ADGRG1: variants seen among roughly 807,000 people sequenced by gnomAD.
The protein encoded by ADGRG1 is 7-transmembrane protein with no EGF-like N-terminal domains-1.
Under a neutral mutation model 73.5 loss-of-function variants are expected in ADGRG1, and 53 were observed. That is an observed-to-expected ratio of 0.72 (90% CI 0.58 to 0.91). The LOEUF (loss-of-function observed/expected upper bound fraction) is 0.91, where lower values mean the gene tolerates loss of function less well. Among genes scored for constraint, ADGRG1 ranks in the 40% least tolerant of loss-of-function variants. The probability of loss-of-function intolerance (pLI) is 0.00; values close to 1 mark genes in which losing one functional copy is unlikely to be tolerated. For synonymous variants in ADGRG1, 394 were observed against 374.4 expected (o/e 1.05, Z -0.60); for missense variants, 795 against 871.8 (o/e 0.91, Z 1.11).
At chr16:57,629,944 G>A (rs2037283801) in intron 1 of ADGRG1, 2 of 958,500 alleles carry the variant, frequency 2.1e-6, no homozygotes, top group South Asian at 4.8e-5. Context: ...GAGGGGATGG[G>A]TCAAGGCAGG....
intron 1 of ADGRG1, among the ~76,000 whole-genome samples, chr16:57,638,300 C>T (rs1224320343): frequency 6.6e-6 from 1 of 152,228 alleles, no homozygotes; most frequent in African/African-American, 2.4e-5. Context: ...CAGCAAGTCA[C>T]ATCCCCCGAG....
chr16:57,626,954 C>T, upstream of ADGRG1: 1 of 985,620 alleles, frequency 1.0e-6, no homozygotes, highest in Non-Finnish European at 1.2e-6. Flanking sequence ...AAGGGAGTTC[C>T]CACTGCAGCC....
intron 9 of ADGRG1, 132 bp downstream of exon 9, chr16:57,656,749 T>A: frequency 1.4e-6 from 1 of 739,608 alleles, no homozygotes; most frequent in Non-Finnish European, 2.5e-6. Context: ...TTGTCCCATT[T>A]TATAGATGAG....
Position 57,641,658 on chromosome 16 carries a change from C to T in ADGRG1, c.-35-8595C>T, listed in dbSNP as rs151010444. 5.5e-4 allele frequency: 320 copies of T among 578,246 alleles called. 3 individuals are homozygous for T. In the African/African-American group the frequency reaches 5.8e-3, roughly 11 times the overall value. The allele number at this position is 578,246 out of a possible 1,614,324, so 35.8% of individuals were successfully genotyped here. ...TTGGCTCATCGTAACCTCCACCTCC[C>T]GGGTTCAAGTGATTCTCATGCCTCA... On this transcript the variant is annotated intron_variant, in intron 1 of 13. Coordinates refer to ENST00000562631, the MANE Select transcript of ADGRG1 (RefSeq NM_201525.4).
At position 57,663,661 on chromosome 16, in the gene ADGRG1, C is replaced by T; in HGVS notation, c.*79C>T. On this transcript the variant is annotated 3_prime_UTR_variant, in exon 14 of 14. Coordinates refer to ENST00000562631, the MANE Select transcript of ADGRG1 (RefSeq NM_201525.4). ...CTGCCTGTGGCCCCCGAGCCCGGCC[C>T]AGCCCCAGGCCAGTCAGCCGCAGAC... 6.7e-7 allele frequency: 1 copy of T among 1,490,330 alleles called. No homozygotes were observed. The highest frequency in any genetic ancestry group is 1.1e-5 in the South Asian group (1 of 88,566). The allele number at this position is 1,490,330 out of a possible 1,614,324, so 92.3% of individuals were successfully genotyped here. A position where few individuals can be genotyped will look rare whatever the true frequency, so the allele number is the denominator to read the frequency against.
At chr16:57,658,855 A>C (rs2046368532) in intron 10 of ADGRG1, 1 of 517,872 alleles carries the variant, frequency 1.9e-6, no homozygotes, top group Admixed American at 6.7e-5. Context: ...TGGTGCCATG[A>C]GTTAGGGGCA....
intron 1 of ADGRG1, chr16:57,644,115 C>T (rs2041590326): frequency 1.0e-6 from 1 of 984,206 alleles, no homozygotes; most frequent in South Asian, 4.7e-5. Flanking sequence ...GCCCCGCCCT[C>T]CCTGTCCCCT....
intron 1 of ADGRG1, chr16:57,632,788 G>T (rs1311897318): frequency 7.1e-6 from 7 of 985,254 alleles, no homozygotes; most frequent in Non-Finnish European, 7.2e-6. Context: ...GCATGCTTCC[G>T]GGCACCGGTG....
At chr16:57,652,243 T>G in intron 3 of ADGRG1, 1 of 608,550 alleles carries the variant, frequency 1.6e-6, no homozygotes, top group East Asian at 1.4e-4. Flanking sequence ...ATGTGGCCAC[T>G]GCCATTCAGC....
At chr16:57,659,802 C>T in intron 11 of ADGRG1, 121 bp downstream of exon 11, 4 of 1,025,498 alleles carry the variant, frequency 3.9e-6, no homozygotes, top group Non-Finnish European at 4.4e-6. Flanking sequence ...CTCCTTCACT[C>T]ATCCTCAGGT....
intron 5 of ADGRG1, among the ~76,000 whole-genome samples, chr16:57,654,367 C>T (rs2044950433): frequency 6.6e-6 from 1 of 151,594 alleles, no homozygotes; most frequent in Admixed American, 6.6e-5. Context: ...CCTGGGGCCA[C>T]CCGTGTGAAC....
At chr16:57,640,805 G>T (rs1200063293) in intron 1 of ADGRG1, 6 of 814,436 alleles carry the variant, frequency 7.4e-6, no homozygotes, top group Admixed American at 1.2e-4. Context: ...GAGGGTTGGT[G>T]GCCAGCCTGG....
At chr16:57,620,583 C>G (rs1015929474), upstream of ADGRG1, among the ~76,000 whole-genome samples, 1 of 152,186 alleles carries the variant, frequency 6.6e-6, no homozygotes, top group Non-Finnish European at 1.5e-5. Flanking sequence ...TGGCCCAGGT[C>G]GTTTGACTTT....
chr16:57,654,956 G>A (rs2045276948), intron 5 of ADGRG1: 9 of 582,820 alleles, frequency 1.5e-5, no homozygotes, highest in Non-Finnish European at 1.9e-5. Flanking sequence ...CGGGGTTCAA[G>A]CAGTCCTCTC....
At position 57,659,769 on chromosome 16, in the gene ADGRG1, A is replaced by G. The variant is rs940794171; in HGVS notation, c.1555+88A>G. The G allele has an allele frequency of 1.3e-5, 18 of 1,411,176 alleles. No homozygotes were observed. In the East Asian group the frequency reaches 3.0e-4, roughly 23 times the overall value. The allele number at this position is 1,411,176 out of a possible 1,614,324, so 87.4% of individuals were successfully genotyped here. On this transcript the variant is annotated intron_variant, in intron 11 of 13. Coordinates refer to ENST00000562631, the MANE Select transcript of ADGRG1 (RefSeq NM_201525.4). ...GGCACCTGGTTCTGCCTCTCCACCT[A>G]TCTCTCTGACTTCCCTCCTGGCCTC...
chr16:57,658,252 C>T (rs2046239272), intron 10 of ADGRG1, among the ~76,000 whole-genome samples: 1 of 152,216 alleles, frequency 6.6e-6, no homozygotes, highest in African/African-American at 2.4e-5. Flanking sequence ...GTGTGCCATG[C>T]ACTGTTCTAA....
At chr16:57,631,161 G>T in intron 1 of ADGRG1, 2 of 986,432 alleles carry the variant, frequency 2.0e-6, no homozygotes, top group Non-Finnish European at 2.4e-6. Flanking sequence ...GGAGACGAGG[G>T]GGAGGTGGCG....
At chr16:57,657,593 T>G in intron 10 of ADGRG1, 102 bp downstream of exon 10, 1 of 906,166 alleles carries the variant, frequency 1.1e-6, no homozygotes, top group Non-Finnish European at 1.8e-6. Context: ...CCGCATGACC[T>G]GGAACTGTGT....
chr16:57,651,179 C>T (rs1597458133), intron 2 of ADGRG1, 21 bp from the exon 3 acceptor site: 1 of 1,613,778 alleles, frequency 6.2e-7, no homozygotes, highest in South Asian at 1.1e-5. Flanking sequence ...GGGGTCCCAT[C>T]TGCAGCCTCT....
Sources: gnomAD v4.1 joint callset for allele counts (sites outside exome capture counted in the v4.1 genomes callset) on GRCh38, gnomAD v4.1.1 for gene constraint, MANE v1.5 for transcripts, NCBI Gene and HGNC (gene_info 2026-07-23, HGNC 2026-07-21) for gene names.